Variants in FAM107B observed in about 807,000 individuals in gnomAD.
FAM107B encodes family with sequence similarity 107 member B.
A neutral mutation model predicts 31.5 loss-of-function variants in FAM107B; 21 were observed. The observed-to-expected ratio is 0.67, with a 90% CI of 0.47 to 0.96. The LOEUF (loss-of-function observed/expected upper bound fraction) is 0.96, where lower values mean the gene tolerates loss of function less well. FAM107B is among the 40% of genes least tolerant of loss of function. The pLI is 0.00. For synonymous variants in FAM107B, 157 were observed against 141.5 expected, an observed-to-expected ratio of 1.11 and a Z score of -0.78; for missense variants, 452 against 377.1, an observed-to-expected ratio of 1.20 and a Z score of -1.64.
At chr10:14,604,170 G>A in intron 2 of FAM107B, 1 of 954,562 alleles carries the variant, frequency 1.0e-6, no homozygotes, top group Non-Finnish European at 1.2e-6. Context: ...CCGGGGTCGG[G>A]CAGGGCCGCC....
intron 1 of FAM107B, among the ~76,000 whole-genome samples, chr10:14,670,970 T>C (rs1041511152): frequency 6.6e-6 from 1 of 152,346 alleles, no homozygotes; most frequent in South Asian, 2.1e-4. Context: ...TAGAATAAAA[T>C]GACAACAGTC....
chr10:14,667,143 T>A (rs1854422178), intron 2 of FAM107B, among the ~76,000 whole-genome samples: 1 of 152,230 alleles, frequency 6.6e-6, no homozygotes, highest in South Asian at 2.1e-4. Context: ...AACTAAGTTA[T>A]AAATTCACTC....
chr10:14,660,624 G>T (rs984777502), intron 2 of FAM107B, among the ~76,000 whole-genome samples: 1 of 152,190 alleles, frequency 6.6e-6, no homozygotes, highest in African/African-American at 2.4e-5. Flanking sequence ...CTGAGTCTTT[G>T]TGCTAAAATT....
intron 1 of FAM107B, among the ~76,000 whole-genome samples, chr10:14,733,604 G>T (rs749042226): frequency 6.6e-6 from 1 of 152,142 alleles, no homozygotes; most frequent in Non-Finnish European, 1.5e-5. Flanking sequence ...CTGGAGAAAG[G>T]TCGTCCAAAA....
chr10:14,674,414 C>T (rs376216263), intron 1 of FAM107B, among the ~76,000 whole-genome samples: 2 of 152,148 alleles, frequency 1.3e-5, no homozygotes, highest in South Asian at 4.1e-4. Flanking sequence ...CTCAGCATTG[C>T]TCCCTGGGGA....
intron 1 of FAM107B, among the ~76,000 whole-genome samples, chr10:14,706,053 C>A (rs544519235): frequency 4.0e-4 from 61 of 152,290 alleles, no homozygotes; most frequent in Admixed American, 3.8e-3. Context: ...TGATTTACAA[C>A]CCAGACCACT....
rs369396217 is a variant in FAM107B at position 14,525,323 on chromosome 10, G to A, written c.654-3304C>T. Among the ~76,000 whole-genome samples, 20 of 151,798 alleles carry A rather than the reference G, an allele frequency of 1.3e-4. 1 individual carries two copies. The East Asian group carries it at 2.9e-3, about 22-fold the overall frequency. ...CACGAGTAACAGTAATTCCCAAGTC[G>A]GCTTCTCGGTCAGGTAGCTACCTGT... is the stretch of plus-strand genomic sequence containing the variant. On this transcript the variant is annotated intron_variant, in intron 3 of 4. Transcript: ENST00000181796.
intron 1 of FAM107B, among the ~76,000 whole-genome samples, chr10:14,692,803 G>A (rs910498796): frequency 7.2e-5 from 11 of 152,182 alleles, no homozygotes; most frequent in Admixed American, 2.0e-4. Context: ...CTTGCTGCAC[G>A]GGCCGGGGTT....
At chr10:14,604,992 G>C (rs1435307493) in intron 2 of FAM107B, among the ~76,000 whole-genome samples, 1 of 151,942 alleles carries the variant, frequency 6.6e-6, no homozygotes, top group Non-Finnish European at 1.5e-5. Flanking sequence ...CTCGCTCCTG[G>C]GTGTCCGGGC....
intron 2 of FAM107B, among the ~76,000 whole-genome samples, chr10:14,645,248 T>C (rs941937400): frequency 4.6e-5 from 7 of 152,172 alleles, no homozygotes; most frequent in African/African-American, 1.4e-4. Flanking sequence ...AAGGGTGCAA[T>C]TCACTTATTT....
chr10:14,666,179 G>A (rs1302230004), intron 2 of FAM107B, among the ~76,000 whole-genome samples: 1 of 152,194 alleles, frequency 6.6e-6, no homozygotes, highest in East Asian at 1.9e-4. Context: ...TTTGGATTGT[G>A]TATTAGGCCA....
At chr10:14,763,479 A>C (rs1044371024) in intron 1 of FAM107B, among the ~76,000 whole-genome samples, 1 of 152,114 alleles carries the variant, frequency 6.6e-6, no homozygotes, top group Non-Finnish European at 1.5e-5. Context: ...GAGGCTACCA[A>C]TATTTGCTTC....
intron 2 of FAM107B, among the ~76,000 whole-genome samples, chr10:14,627,779 A>T (rs1337920679): frequency 3.9e-5 from 6 of 152,072 alleles, no homozygotes; most frequent in Non-Finnish European, 7.4e-5. Context: ...TCTCTATAAA[A>T]AGAAAAAAAA....
At chr10:14,644,068 A>G (rs1032892223) in intron 2 of FAM107B, among the ~76,000 whole-genome samples, 1 of 152,216 alleles carries the variant, frequency 6.6e-6, no homozygotes, top group Non-Finnish European at 1.5e-5. Flanking sequence ...GTAAGAATGA[A>G]GGATATTTCC....
rs1856391459 is a variant in FAM107B, at chr10:14,739,664, T to A, written c.411+34589A>T. Reference sequence around the variant, plus strand: ...GAGCGAATAAAGGGAAAATATTTCATTTCCCAGACCACAAGAATTGTTTTA... The same window carrying A: ...GAGCGAATAAAGGGAAAATATTTCAATTCCCAGACCACAAGAATTGTTTTA... On this transcript the variant is annotated intron_variant, in intron 1 of 4. Coordinates refer to ENST00000181796, the MANE Select transcript of FAM107B (RefSeq NM_031453.4). Among the ~76,000 whole-genome samples the A allele has an allele frequency of 4.6e-5, 7 of 152,260 alleles. No homozygotes were observed. In the South Asian group the frequency reaches 1.2e-3, roughly 27 times the overall value.
chr10:14,618,371 G>T (rs1476547420), intron 2 of FAM107B, among the ~76,000 whole-genome samples: 1 of 152,124 alleles, frequency 6.6e-6, no homozygotes, highest in Non-Finnish European at 1.5e-5. Context: ...ATCTCACACA[G>T]GTCTGTGTGA....
rs1267309874 is a variant in FAM107B at position 14,723,849 on chromosome 10, T to C, written c.411+50404A>G. 4.0e-6 allele frequency: 3 copies of C among 756,046 alleles called. No homozygotes were observed. The African/African-American group carries it at 5.1e-5, about 13-fold the overall frequency. The allele number at this position is 756,046 out of a possible 1,614,324, so 46.8% of individuals were successfully genotyped here. On this transcript the variant is annotated intron_variant, in intron 1 of 4. Transcript: ENST00000181796. ...ACATGACACTGACATCAGCAGGGTT[T>C]TCAATGGCAACAACGGCATGAACTG...
At chr10:14,699,285 A>T (rs933178497) in intron 1 of FAM107B, among the ~76,000 whole-genome samples, 2 of 152,192 alleles carry the variant, frequency 1.3e-5, no homozygotes, top group African/African-American at 2.4e-5. Flanking sequence ...GATGTGGAGA[A>T]GGAGATTTCT....
At chr10:14,727,439 C>T (rs1289626329) in intron 1 of FAM107B, among the ~76,000 whole-genome samples, 1 of 152,230 alleles carries the variant, frequency 6.6e-6, no homozygotes, top group Non-Finnish European at 1.5e-5. Flanking sequence ...CAACTGTCAG[C>T]AGCTGCATGT....
Sources: allele counts gnomAD v4.1 joint callset (sites outside exome capture counted in the v4.1 genomes callset), GRCh38; gene constraint gnomAD v4.1.1; transcripts MANE v1.5; gene names NCBI Gene and HGNC (gene_info 2026-07-23, HGNC 2026-07-21).